The following SURF1 variants were observed in gnomAD, a reference collection of about 807,000 sequenced individuals.
The protein encoded by SURF1 is surfeit locus protein 1.
Under a neutral mutation model 34.1 loss-of-function variants are expected in SURF1, and 45 were observed. That is an observed-to-expected ratio of 1.32 (90% CI 1.04 to 1.69). The LOEUF (loss-of-function observed/expected upper bound fraction) is 1.69, where lower values mean the gene tolerates loss of function less well. Among genes scored for constraint, SURF1 ranks in the 40% most tolerant of loss-of-function variants. SURF1 has a pLI of 0.00. For synonymous variants in SURF1, 188 were observed against 147.5 expected, an observed-to-expected ratio of 1.27 and a Z score of -1.99; for missense variants, 456 against 384.6, an observed-to-expected ratio of 1.19 and a Z score of -1.55.
chr9:133,351,986 G>A lies in SURF1; in HGVS notation c.834-4C>T, dbSNP rs2130003349. 52 of 1,613,712 alleles carry A rather than the reference G, an allele frequency of 3.2e-5. No homozygotes were observed. The highest frequency in any genetic ancestry group is 3.9e-5 in the Non-Finnish European group (46 of 1,179,938). ...TGTAGCTGCAGAGAGTCCATACCTAGGGGTTGAAAGCAAGCCAGCATTAGC... is the reference window on the plus strand; with the variant it reads ...TGTAGCTGCAGAGAGTCCATACCTAAGGGTTGAAAGCAAGCCAGCATTAGC... On this transcript the variant is annotated splice_region_variant and splice_polypyrimidine_tract_variant and intron_variant, in intron 8 of 8. Coordinates refer to ENST00000371974, the MANE Select transcript of SURF1 (RefSeq NM_003172.4).
Position 133,353,851 on chromosome 9 carries a change from G to A in SURF1, c.413C>T (p.Thr138Ile), listed in dbSNP as rs1836500336. 1 of 1,613,902 alleles carries A rather than the reference G, an allele frequency of 6.2e-7. No homozygotes were observed. The highest frequency in any genetic ancestry group is 8.5e-7 in the Non-Finnish European group (1 of 1,180,048). The part of the protein sequence containing the change: ...HSKELYMMPR[T>I]MVDPVREARE... ...GGCCTCCCGGACAGGGTCCACCATGGTCCGGGGCATCATATACAGCTCCTT... is the reference window on the plus strand; with the variant it reads ...GGCCTCCCGGACAGGGTCCACCATGATCCGGGGCATCATATACAGCTCCTT... Residue 138 changes from threonine (T) to isoleucine (I), a missense_variant, in exon 5 of 9, where the codon ACC (threonine) becomes ATC (isoleucine). Coordinates refer to ENST00000371974, the MANE Select transcript of SURF1 (RefSeq NM_003172.4).
chr9:133,356,165 C>T, intron 2 of SURF1, 104 bp downstream of exon 2: 1 of 1,418,282 alleles, frequency 7.1e-7, no homozygotes, highest in Non-Finnish European at 9.6e-7. Flanking sequence ...GCTCAGCCGG[C>T]AGTTGGTTCA....
At chr9:133,354,436 A>G (rs1019845179) in intron 4 of SURF1, among the ~76,000 whole-genome samples, 3 of 152,126 alleles carry the variant, frequency 2.0e-5, no homozygotes, top group African/African-American at 7.2e-5. Context: ...AGGACTCAAA[A>G]TAAGACTTTC....
rs1001583495 is a variant in SURF1, at chr9:133,356,484, G to C, written c.-31C>G. On this transcript the variant is annotated 5_prime_UTR_variant, in exon 1 of 9. Coordinates refer to ENST00000371974, the MANE Select transcript of SURF1 (RefSeq NM_003172.4). ...CCGGCCCCGCGGGCGCTTCCGGGACGCAGGAAGCATCTGCATCCGGGGCGC... is the reference window on the plus strand; with the variant it reads ...CCGGCCCCGCGGGCGCTTCCGGGACCCAGGAAGCATCTGCATCCGGGGCGC... The C allele has an allele frequency of 1.9e-5, 27 of 1,432,134 alleles. No individual in the cohort carries two copies. The highest frequency in any genetic ancestry group is 2.4e-5 in the Non-Finnish European group (26 of 1,097,732). 88.7% of individuals were successfully genotyped at this position (1,432,134 alleles called of 1,614,324 possible).
chr9:133,351,895 G>T lies in SURF1; in HGVS notation c.*18C>A. ...AAATACTGCATTATCCAGGGACAGG[G>T]CTTCAGCAGCTGATCTGTCACACAC... On this transcript the variant is annotated 3_prime_UTR_variant, in exon 9 of 9. Transcript: ENST00000371974. The T allele has an allele frequency of 6.2e-7, 1 of 1,611,942 alleles. No homozygotes were observed. Among genetic ancestry groups the T allele is most frequent in the African/African-American group, 1.3e-5 (1 of 75,028 alleles).
chr9:133,353,418 G>A lies in SURF1; in HGVS notation c.515+331C>T, dbSNP rs1588690632. Among the ~76,000 whole-genome samples the A allele has an allele frequency of 2.0e-5, 3 of 152,264 alleles. No homozygotes were observed. The South Asian group carries it at 6.2e-4, about 32-fold the overall frequency. On this transcript the variant is annotated intron_variant, in intron 5 of 8. Coordinates refer to ENST00000371974, the MANE Select transcript of SURF1 (RefSeq NM_003172.4). ...AGGTAGGGCTGGGGTCCTTTCTCTTGAAGTCCTCTTGCTGGCCCCTCATAG... is the reference window on the plus strand; with the variant it reads ...AGGTAGGGCTGGGGTCCTTTCTCTTAAAGTCCTCTTGCTGGCCCCTCATAG...
At position 133,354,098 on chromosome 9, in the gene SURF1, G is replaced by A. The variant is rs1836507251; in HGVS notation, c.324-158C>T. On this transcript the variant is annotated intron_variant, in intron 4 of 8. Coordinates refer to ENST00000371974, the MANE Select transcript of SURF1 (RefSeq NM_003172.4). ...AACTTTGATGCCATGTGGGAATGTG[G>A]ATCTGCACTGCCAGAGTCCAACTTT... 4 of 786,638 alleles carry A rather than the reference G, an allele frequency of 5.1e-6. No homozygotes were observed. The Admixed American group carries it at 6.0e-5, about 12-fold the overall frequency. The allele number at this position is 786,638 out of a possible 1,614,324, so 48.7% of individuals were successfully genotyped here.
intron 7 of SURF1, 118 bp downstream of exon 7, chr9:133,352,328 C>T (rs1253077986): frequency 5.2e-6 from 8 of 1,551,018 alleles, no homozygotes; most frequent in Admixed American, 1.7e-5. Flanking sequence ...CCTCCTCCCA[C>T]CCGCCATATA....
At position 133,354,275 on chromosome 9, in the gene SURF1, G is replaced by C; in HGVS notation, c.324-335C>G. On this transcript the variant is annotated intron_variant, in intron 4 of 8. Transcript: ENST00000371974. ...TGGCTGAATATACCTATCTCTGTAG[G>C]GCATATTCTAGGGAGAGAGCAGACA... The C allele has an allele frequency of 8.1e-6, 4 of 495,850 alleles. No individual in the cohort carries two copies. In the South Asian group the frequency reaches 8.3e-5, roughly 10 times the overall value. 30.7% of individuals were successfully genotyped at this position (495,850 alleles called of 1,614,324 possible).
chr9:133,351,963 T>C lies in SURF1; in HGVS notation c.853A>G (p.Thr285Ala), dbSNP rs2130003042. The change falls in exon 9 of 9, where the codon ACA becomes GCA. Residue 285 changes from threonine (T) to alanine (A), a missense_variant. Transcript: ENST00000371974. Reference protein sequence around the residue: ...IVTWYGLSAATSYLWFKKFLR... With the variant: ...IVTWYGLSAAASYLWFKKFLR... ...AATTTCTTAAACCACAGGTAGGATGTAGCTGCAGAGAGTCCATACCTAGGG... is the reference window on the plus strand; with the variant it reads ...AATTTCTTAAACCACAGGTAGGATGCAGCTGCAGAGAGTCCATACCTAGGG... 6.8e-6 allele frequency: 11 copies of C among 1,613,810 alleles called. No homozygotes were observed. Among genetic ancestry groups the C allele is most frequent in the Non-Finnish European group, 3.4e-6 (4 of 1,179,982 alleles).
rs2130007534 is a variant in SURF1 at position 133,352,510 on chromosome 9, A to G, written c.687T>C (p.Tyr229=). ...ENNPERNHWH[Y]RDLEAMARIT... ...TTCTGGCCATAGCTTCCAGGTCTCG[A>G]TAATGCCAGTGGTTCCTTTCTGGAT... Residue 229 remains tyrosine, a synonymous_variant, in exon 7 of 9, where the codon TAT becomes TAC. Transcript: ENST00000371974. The G allele has an allele frequency of 9.5e-5, 154 of 1,614,114 alleles. No individual in the cohort carries two copies. The highest frequency in any genetic ancestry group is 9.2e-4 in the Admixed American group (55 of 60,008).
In SURF1 at chr9:133,356,339, G is replaced by A. The variant is rs1564351309; in HGVS notation, c.55-19C>T. ...CCGGGGCCTGCGGACACGGACGGGC[G>A]GGCTGAGCTCCGGGACCCCTCCCCG... On this transcript the variant is annotated intron_variant, in intron 1 of 8. Transcript: ENST00000371974. 1.3e-5 allele frequency: 20 copies of A among 1,502,790 alleles called. No individual in the cohort carries two copies. The highest frequency in any genetic ancestry group is 1.7e-5 in the Non-Finnish European group (19 of 1,134,928). 93.1% of individuals were successfully genotyped at this position (1,502,790 alleles called of 1,614,324 possible).
Position 133,351,868 on chromosome 9 carries a change from T to C in SURF1, c.*45A>G. On this transcript the variant is annotated 3_prime_UTR_variant, in exon 9 of 9. Transcript: ENST00000371974. ...ACATGATCCAGCATAAAGGCAGTCT[T>C]GAAATACTGCATTATCCAGGGACAG... 2 of 1,596,038 alleles carry C rather than the reference T, an allele frequency of 1.3e-6. No individual in the cohort carries two copies. Among genetic ancestry groups the C allele is most frequent in the Non-Finnish European group, 8.6e-7 (1 of 1,168,234 alleles).
In SURF1 at chr9:133,354,279, T is replaced by G. The variant is rs2130016634; in HGVS notation, c.324-339A>C. The G allele has an allele frequency of 3.8e-3, 1,883 of 489,138 alleles. 25 individuals carry two copies. Among genetic ancestry groups the G allele is most frequent in the African/African-American group, 0.033 (1,689 of 51,494 alleles). The allele number at this position is 489,138 out of a possible 1,614,324, so 30.3% of individuals were successfully genotyped here. A position where few individuals can be genotyped will look rare whatever the true frequency, so the allele number is the denominator to read the frequency against. ...TGAATATACCTATCTCTGTAGGGCA[T>G]ATTCTAGGGAGAGAGCAGACAAATC... On this transcript the variant is annotated intron_variant, in intron 4 of 8. Transcript: ENST00000371974.
At position 133,356,286 on chromosome 9, in the gene SURF1, C is replaced by G. The variant is rs1478372022; in HGVS notation, c.89G>C (p.Arg30Thr). The part of the protein sequence containing the change: ...PASAAWRSVL[R>T]VSPRPGVAWR... ...GCCCTCACCTGGGCGCGGGGAGACC[C>G]TGAGGACGCTCCTCCAGGCGGCGCT... The change falls in exon 2 of 9, where the codon AGG becomes ACG. Residue 30 changes from arginine (R) to threonine (T), a missense_variant. Physicochemically the swap from Arg to Thr is moderately conservative, Grantham distance 71. Coordinates refer to ENST00000371974, the MANE Select transcript of SURF1 (RefSeq NM_003172.4). 1 of 1,530,774 alleles carries G rather than the reference C, an allele frequency of 6.5e-7. No individual in the cohort carries two copies. The highest frequency in any genetic ancestry group is 8.7e-7 in the Non-Finnish European group (1 of 1,145,364). The allele number at this position is 1,530,774 out of a possible 1,614,324, so 94.8% of individuals were successfully genotyped here.
At chr9:133,355,707 C>T (rs2130022468) in intron 2 of SURF1, among the ~76,000 whole-genome samples, 3 of 152,286 alleles carry the variant, frequency 2.0e-5, no homozygotes, top group African/African-American at 4.8e-5. Flanking sequence ...TCCATTTTTA[C>T]AACTCATCGT....
chr9:133,354,611 T>A (rs2130017416), intron 4 of SURF1, 48 bp downstream of exon 4: 48 of 1,607,406 alleles, frequency 3.0e-5, no homozygotes, highest in Non-Finnish European at 3.7e-5. Flanking sequence ...AGGGCTCTGC[T>A]GTTGAACTCA....
rs2130001893 is a variant in SURF1, at chr9:133,351,789, T to A, written c.*124A>T. ...CTGAAACCAAGCCAGGATTTTATGA[T>A]GAACCAGTCATGAGCTCATTTAAGG... On this transcript the variant is annotated 3_prime_UTR_variant, in exon 9 of 9. Coordinates refer to ENST00000371974, the MANE Select transcript of SURF1 (RefSeq NM_003172.4). 4 of 1,123,092 alleles carry A rather than the reference T, an allele frequency of 3.6e-6. No homozygotes were observed. Among genetic ancestry groups the A allele is most frequent in the South Asian group, 1.3e-5 (1 of 75,414 alleles). 69.6% of individuals were successfully genotyped at this position (1,123,092 alleles called of 1,614,324 possible). A position where few individuals can be genotyped will look rare whatever the true frequency, so the allele number is the denominator to read the frequency against.
Position 133,356,323 on chromosome 9 carries a change from G to A in SURF1, c.55-3C>T, listed in dbSNP as rs2130025360. On this transcript the variant is annotated splice_polypyrimidine_tract_variant and splice_region_variant and intron_variant, in intron 1 of 8. Coordinates refer to ENST00000371974, the MANE Select transcript of SURF1 (RefSeq NM_003172.4). ...CTCCAGGCGGCGCTGGCCGGGGCCT[G>A]CGGACACGGACGGGCGGGCTGAGCT... 1.3e-6 allele frequency: 2 copies of A among 1,517,110 alleles called. No homozygotes were observed. Among genetic ancestry groups the A allele is most frequent in the East Asian group, 2.6e-5 (1 of 38,386 alleles). 94.0% of individuals were successfully genotyped at this position (1,517,110 alleles called of 1,614,324 possible).
Sources: allele counts gnomAD v4.1 joint callset (sites outside exome capture counted in the v4.1 genomes callset), GRCh38; gene constraint gnomAD v4.1.1; transcripts MANE v1.5; gene names NCBI Gene and HGNC (gene_info 2026-07-23, HGNC 2026-07-21).